Variants in EHBP1 observed in about 807,000 individuals in gnomAD.
The protein encoded by EHBP1 is EH domain-binding protein 1.
A neutral mutation model predicts 144.0 loss-of-function variants in EHBP1; 55 were observed. The ratio of observed to expected loss-of-function variants is 0.38; its 90% CI spans 0.31 to 0.48. EHBP1 has a LOEUF of 0.48. Among genes scored for constraint, EHBP1 ranks in the 20% least tolerant of loss-of-function variants. The pLI is 0.98. For synonymous variants in EHBP1, 469 were observed against 472.7 expected (o/e 0.99, Z 0.10); for missense variants, 1,200 against 1,364.2 (o/e 0.88, Z 1.90).
Position 62,761,469 on chromosome 2 carries a change from A to G in EHBP1, c.163-2797A>G, listed in dbSNP as rs532053655. On this transcript the variant is annotated intron_variant, in intron 3 of 22. Coordinates refer to ENST00000431489, the MANE Select transcript of EHBP1 (RefSeq NM_001142616.3). ...TCTTCTTTTGGCATTTTAACTAGTA[A>G]GATGTGATAAGATTTGCATGGACCT... Among the ~76,000 whole-genome samples the G allele has an allele frequency of 3.3e-5, 5 of 152,206 alleles. No individual in the cohort carries two copies. In the South Asian group the frequency reaches 1.0e-3, roughly 32 times the overall value.
chr2:62,703,476 G>T (rs2034338340), upstream of EHBP1, among the ~76,000 whole-genome samples: 1 of 152,258 alleles, frequency 6.6e-6, no homozygotes, highest in African/African-American at 2.4e-5. Context: ...AAATGTTATA[G>T]GGGGAAGAAG....
chr2:62,735,819 T>TC (rs1415624954), intron 2 of EHBP1, among the ~76,000 whole-genome samples: 3 of 152,176 alleles, frequency 2.0e-5, no homozygotes, highest in Non-Finnish European at 2.9e-5. Context: ...GGGTTTTTTT[T>TC]CTCTCAACAC....
chr2:62,871,371 C>T (rs559962458), intron 9 of EHBP1, among the ~76,000 whole-genome samples: 1 of 152,284 alleles, frequency 6.6e-6, no homozygotes, highest in African/African-American at 2.4e-5. Context: ...ACAAGTTTCT[C>T]GTGAATAAAG....
chr2:62,915,312 A>G (rs954507709), intron 10 of EHBP1, among the ~76,000 whole-genome samples: 5 of 152,162 alleles, frequency 3.3e-5, no homozygotes, highest in African/African-American at 1.2e-4. Context: ...ATTATTTCAT[A>G]AAAGTGAAGA....
intron 6 of EHBP1, among the ~76,000 whole-genome samples, chr2:62,829,682 T>TATATATA (rs535564426): frequency 2.7e-5 from 4 of 146,900 alleles, no homozygotes; most frequent in Admixed American, 1.4e-4. Context: ...TGGTATTGTG[T>TATATATA]ATATATAATA....
intron 3 of EHBP1, among the ~76,000 whole-genome samples, chr2:62,759,901 T>A (rs2040624309): frequency 2.0e-5 from 3 of 152,214 alleles, no homozygotes; most frequent in Non-Finnish European, 4.4e-5. Context: ...ACTATTTTTT[T>A]TTGGTCAGAT....
At chr2:63,036,229 A>G (rs1443087800) in intron 19 of EHBP1, among the ~76,000 whole-genome samples, 1 of 152,058 alleles carries the variant, frequency 6.6e-6, no homozygotes, top group South Asian at 2.1e-4. Context: ...CAAGCACTAT[A>G]AAGAATGAGA....
At chr2:62,773,025 C>T (rs1035270018) in intron 5 of EHBP1, among the ~76,000 whole-genome samples, 1 of 152,112 alleles carries the variant, frequency 6.6e-6, no homozygotes, top group East Asian at 1.9e-4. Flanking sequence ...CACAGATGTA[C>T]ATGTTATGAC....
intron 15 of EHBP1, among the ~76,000 whole-genome samples, chr2:62,987,322 A>G (rs1471546516): frequency 6.6e-6 from 1 of 151,964 alleles, no homozygotes; most frequent in East Asian, 1.9e-4. Flanking sequence ...TTGGTTGACA[A>G]TTTTTCCCAG....
At chr2:62,771,475 A>G (rs1285556042) in intron 5 of EHBP1, 83 bp downstream of exon 5, 2 of 1,056,840 alleles carry the variant, frequency 1.9e-6, no homozygotes, top group Admixed American at 5.2e-5. Context: ...TTTTGGTGGT[A>G]GGAAAAATGT....
intron 10 of EHBP1, among the ~76,000 whole-genome samples, chr2:62,896,768 T>C (rs1459644931): frequency 1.3e-5 from 2 of 152,024 alleles, no homozygotes; most frequent in East Asian, 3.9e-4. Flanking sequence ...ACTGAAAAAG[T>C]TGTCTGTACT....
chr2:62,974,149 T>C (rs2058614096), intron 14 of EHBP1, among the ~76,000 whole-genome samples: 1 of 152,208 alleles, frequency 6.6e-6, no homozygotes, highest in Admixed American at 6.5e-5. Context: ...TAATAAAATT[T>C]CACTTGAATG....
chr2:62,765,151 A>G (rs995441923), intron 4 of EHBP1, among the ~76,000 whole-genome samples: 1 of 152,148 alleles, frequency 6.6e-6, no homozygotes, highest in African/African-American at 2.4e-5. Flanking sequence ...TTCTCATTAC[A>G]AATGTTTTTG....
intron 14 of EHBP1, among the ~76,000 whole-genome samples, chr2:62,963,107 C>T (rs1226081183): frequency 1.3e-5 from 2 of 152,160 alleles, no homozygotes; most frequent in Non-Finnish European, 2.9e-5. Context: ...TTAGTTTGGT[C>T]AGCTCTTAGT....
At chr2:62,759,464 G>A (rs1490158104) in intron 3 of EHBP1, among the ~76,000 whole-genome samples, 1 of 152,078 alleles carries the variant, frequency 6.6e-6, no homozygotes, top group Non-Finnish European at 1.5e-5. Context: ...GGAGTGCAGT[G>A]GCGTGATCTT....
chr2:62,744,840 A>T (rs1483800794), intron 2 of EHBP1, among the ~76,000 whole-genome samples: 4 of 152,032 alleles, frequency 2.6e-5, no homozygotes, highest in Admixed American at 6.6e-5. Context: ...ACACACTCTC[A>T]TTGCCATCAC....
intron 5 of EHBP1, among the ~76,000 whole-genome samples, chr2:62,790,221 C>CA (rs1441968154): frequency 6.6e-6 from 1 of 152,098 alleles, no homozygotes; most frequent in Non-Finnish European, 1.5e-5. Context: ...AGAAAGCAAA[C>CA]AGAGTGGTTT....
chr2:62,795,749 TG>T (rs2043493416), intron 5 of EHBP1, among the ~76,000 whole-genome samples: 2 of 152,098 alleles, frequency 1.3e-5, no homozygotes, highest in Admixed American at 1.3e-4. Context: ...TTAAAAAACA[TG>T]TATAGCCCAA....
rs1432153599 is a variant in EHBP1 at position 62,874,374 on chromosome 2, A to G, written c.1027A>G (p.Thr343Ala). ...ESNPFYEPKS[T>A]PPPNNLVNPV... is the part of the protein sequence containing the mutation. ...AAATCCTTTTTATGAACCTAAATCA[A>G]CTCCTCCTCCAAATAATTTGGTAAA... The change falls in exon 10 of 23, where the codon ACT becomes GCT. Residue 343 changes from threonine (T) to alanine (A), a missense_variant. Physicochemically the swap from Thr to Ala is moderately conservative, Grantham distance 58 (BLOSUM62 0). Around this residue, in one of 6 missense-constraint regions of EHBP1, gnomAD observed 266 missense variants for 262.4 expected, o/e 1.01. Transcript: ENST00000431489. 2.5e-6 allele frequency: 4 copies of G among 1,603,032 alleles called. No individual in the cohort carries two copies. Among genetic ancestry groups the G allele is most frequent in the Non-Finnish European group, 3.4e-6 (4 of 1,175,498 alleles).
Sources: allele counts gnomAD v4.1 joint callset (sites outside exome capture counted in the v4.1 genomes callset), GRCh38; gene constraint gnomAD v4.1.1; regional missense constraint gnomAD v4.1.1; transcripts MANE v1.5; gene names NCBI Gene and HGNC (gene_info 2026-07-23, HGNC 2026-07-21).